Variants in FLT3 observed in about 807,000 individuals in gnomAD.
FLT3 encodes fms related receptor tyrosine kinase 3, also known as receptor-type tyrosine-protein kinase FLT3.
Under a neutral mutation model 126.6 loss-of-function variants are expected in FLT3, and 46 were observed. The ratio of observed to expected loss-of-function variants is 0.36; its 90% CI spans 0.29 to 0.46. FLT3 has a LOEUF of 0.46. FLT3 is among the 20% of genes least tolerant of loss of function. The pLI is 1.00. For missense variants in FLT3, 1,069 were observed against 1,190.3 expected (o/e 0.90, Z 1.50); for synonymous variants, 404 against 434.4 (o/e 0.93, Z 0.87).
chr13:28,096,920 G>T (rs1334498740), intron 1 of FLT3, among the ~76,000 whole-genome samples: 1 of 152,126 alleles, frequency 6.6e-6, no homozygotes, highest in Non-Finnish European at 1.5e-5. Context: ...TACTGCTTGT[G>T]CCTAGCAAGA....
chr13:28,020,379 C>T (rs1872275864), intron 19 of FLT3, among the ~76,000 whole-genome samples: 1 of 152,094 alleles, frequency 6.6e-6, no homozygotes, highest in African/African-American at 2.4e-5. Context: ...GAGAAAGTCT[C>T]ACTCTGTCAC....
At chr13:28,083,059 T>C (rs1878440318) in intron 1 of FLT3, among the ~76,000 whole-genome samples, 1 of 151,330 alleles carries the variant, frequency 6.6e-6, no homozygotes. Context: ...CAGTCTGGTG[T>C]TGGTCTCTTG....
At chr13:28,063,680 C>G (rs1876765267) in intron 2 of FLT3, among the ~76,000 whole-genome samples, 1 of 69,408 alleles carries the variant, frequency 1.4e-5, no homozygotes, top group South Asian at 6.6e-4. Context: ...TATTTCTGGT[C>G]TTATTTGTTC....
chr13:28,071,873 G>A (rs73154872), intron 1 of FLT3, among the ~76,000 whole-genome samples: 26,938 of 151,706 alleles, frequency 0.18, 2,455 homozygotes, highest in Middle Eastern at 0.25. Context: ...ACAGGATCTC[G>A]CTATGTTGCA....
intron 23 of FLT3, among the ~76,000 whole-genome samples, chr13:28,004,852 T>A (rs1344118724): frequency 6.6e-6 from 1 of 152,130 alleles, no homozygotes; most frequent in East Asian, 1.9e-4. Context: ...AGAAAAATCA[T>A]AAAAGAGAAA....
chr13:28,004,900 C>T (rs532824562), intron 23 of FLT3, among the ~76,000 whole-genome samples: 30 of 152,274 alleles, frequency 2.0e-4, no homozygotes, highest in African/African-American at 7.2e-4. Context: ...GGAGTTAATA[C>T]AAGGGACTGA....
Position 28,027,306 on chromosome 13 carries a change from T to C in FLT3, c.2054-65A>G, listed in dbSNP as rs891687571. On this transcript the variant is annotated intron_variant, in intron 16 of 23. Transcript: ENST00000241453. Reference sequence around the variant, plus strand: ...CAAACTGTTATTTCAGAAGTCTATGTAGCAGACAACATACTCTTAGGAGGG... The same window carrying C: ...CAAACTGTTATTTCAGAAGTCTATGCAGCAGACAACATACTCTTAGGAGGG... The C allele has an allele frequency of 4.4e-6, 6 of 1,364,762 alleles. No individual in the cohort carries two copies. The South Asian group carries it at 7.9e-5, about 18-fold the overall frequency. The allele number at this position is 1,364,762 out of a possible 1,614,324, so 84.5% of individuals were successfully genotyped here. A position where few individuals can be genotyped will look rare whatever the true frequency, so the allele number is the denominator to read the frequency against.
chr13:28,089,468 C>T (rs1056927665), intron 1 of FLT3, among the ~76,000 whole-genome samples: 6 of 151,346 alleles, frequency 4.0e-5, no homozygotes, highest in Non-Finnish European at 5.9e-5. Context: ...AATGACCAGT[C>T]GCTGGTTAAT....
intron 17 of FLT3, among the ~76,000 whole-genome samples, chr13:28,026,090 C>A (rs1872773353): frequency 6.6e-6 from 1 of 152,078 alleles, no homozygotes. Flanking sequence ...GTGGCTCATG[C>A]CTATAATTCC....
chr13:28,042,101 G>A (rs979423097), intron 9 of FLT3, among the ~76,000 whole-genome samples: 7 of 150,074 alleles, frequency 4.7e-5, no homozygotes, highest in African/African-American at 9.8e-5. Context: ...AGCCGAGATC[G>A]CACCATTGCA....
chr13:28,032,790 C>T (rs1593238748), intron 15 of FLT3, among the ~76,000 whole-genome samples: 1 of 152,192 alleles, frequency 6.6e-6, no homozygotes, highest in African/African-American at 2.4e-5. Context: ...AGAAAGAAAG[C>T]TTCTGGATGG....
At chr13:28,015,408 C>T in intron 21 of FLT3, 152 bp from the exon 22 acceptor site, 1 of 731,420 alleles carries the variant, frequency 1.4e-6, no homozygotes, top group East Asian at 2.7e-5. Flanking sequence ...ACGGTTCACG[C>T]TCTCAAGCAG....
chr13:28,071,120 G>A (rs1202840413), intron 1 of FLT3, among the ~76,000 whole-genome samples: 1 of 144,686 alleles, frequency 6.9e-6, no homozygotes, highest in East Asian at 2.2e-4. Context: ...TCAGCCTCCC[G>A]AGTGGCTGGG....
rs927228030 is a variant in FLT3 at position 28,015,225 on chromosome 13, A to G, written c.2685T>C (p.Asp895=). The part of the protein sequence containing the change: ...GVNPYPGIPV[D]ANFYKLIQNG... ...TTTGAATCAGTTTGTAGAAGTTAGC[A>G]TCAACCGGAATGCCAGGGTAAGGAT... is the stretch of plus-strand genomic sequence containing the variant. The change falls in exon 22 of 24, where the codon GAT becomes GAC. Residue 895 remains aspartate, a synonymous_variant. Coordinates refer to ENST00000241453, the MANE Select transcript of FLT3 (RefSeq NM_004119.3). 4 of 1,612,086 alleles carry G rather than the reference A, an allele frequency of 2.5e-6. No homozygotes were observed. Among genetic ancestry groups the G allele is most frequent in the South Asian group, 1.1e-5 (1 of 90,958 alleles).
intron 1 of FLT3, among the ~76,000 whole-genome samples, chr13:28,090,637 G>A (rs987023577): frequency 6.6e-6 from 1 of 152,044 alleles, no homozygotes; most frequent in Non-Finnish European, 1.5e-5. Flanking sequence ...AACTACCCTA[G>A]TGTGGTGGTG....
intron 1 of FLT3, among the ~76,000 whole-genome samples, chr13:28,081,598 T>C (rs1350222269): frequency 6.6e-6 from 1 of 152,150 alleles, no homozygotes; most frequent in Non-Finnish European, 1.5e-5. Flanking sequence ...TCATTTCTTT[T>C]TCACGTCTTA....
rs1876414694 is a variant in FLT3, at chr13:28,060,251, AAAAAAAT to A, written c.368+1609_368+1615del. Among the ~76,000 whole-genome samples the A allele has an allele frequency of 1.3e-5, 2 of 149,530 alleles. 1 individual carries two copies. Among genetic ancestry groups the A allele is most frequent in the African/African-American group, 4.9e-5 (2 of 40,666 alleles). On this transcript the variant is annotated intron_variant, in intron 3 of 23. Transcript: ENST00000241453. The stretch of plus-strand genomic sequence containing the variant: ...CTCTACTAAAAATACAAAAAAAAAA[AAAAAAAT>A]GAAAACAAAAAACATTAGCCAGGAA...
chr13:28,067,868 C>CA (rs1481146213), intron 2 of FLT3: 1 of 352,786 alleles, frequency 2.8e-6, no homozygotes, highest in Admixed American at 3.4e-5. Context: ...TCTAGAAGTA[C>CA]AGGGTGGGAC....
chr13:28,016,634 A>T (rs987761273), intron 20 of FLT3, among the ~76,000 whole-genome samples: 8 of 152,216 alleles, frequency 5.3e-5, no homozygotes, highest in African/African-American at 1.9e-4. Flanking sequence ...GCACATGCTT[A>T]ATCAGCCAAG....
Sources: allele counts gnomAD v4.1 joint callset (sites outside exome capture counted in the v4.1 genomes callset), GRCh38; gene constraint gnomAD v4.1.1; transcripts MANE v1.5; gene names NCBI Gene and HGNC (gene_info 2026-07-23, HGNC 2026-07-21).